Variants in RPS6KA2 observed in about 807,000 individuals in gnomAD.
RPS6KA2 encodes the protein ribosomal protein S6 kinase alpha-2.
In RPS6KA2, 42 loss-of-function variants were observed where a neutral mutation model predicts 91.8. That is an observed-to-expected ratio of 0.46 (90% CI 0.36 to 0.59). The LOEUF (loss-of-function observed/expected upper bound fraction) is 0.59, where lower values mean the gene tolerates loss of function less well. Ranked by LOEUF, RPS6KA2 falls within the 20% of genes least tolerant of loss-of-function variation. The pLI is 0.00. For synonymous variants in RPS6KA2, 414 were observed against 393.6 expected (o/e 1.05, Z -0.61); for missense variants, 798 against 978.5 (o/e 0.82, Z 2.46).
chr6:166,775,347 G>A (rs1778586246), intron 2 of RPS6KA2, among the ~76,000 whole-genome samples: 1 of 149,384 alleles, frequency 6.7e-6, no homozygotes. Context: ...AGTTTCCCTC[G>A]CAAATTTGCA....
At chr6:166,736,148 T>G (rs1251354980) in intron 2 of RPS6KA2, among the ~76,000 whole-genome samples, 2 of 152,254 alleles carry the variant, frequency 1.3e-5, no homozygotes, top group East Asian at 3.9e-4. Flanking sequence ...ATATTATCTG[T>G]TTCAACATCA....
chr6:166,562,897 G>A (rs905711079), intron 1 of RPS6KA2, among the ~76,000 whole-genome samples: 1 of 152,210 alleles, frequency 6.6e-6, no homozygotes, highest in Non-Finnish European at 1.5e-5. Flanking sequence ...TGGGGGTGCA[G>A]GGGGCCTGGG....
intron 16 of RPS6KA2, among the ~76,000 whole-genome samples, chr6:166,430,204 G>C (rs138080651): frequency 6.6e-6 from 1 of 151,758 alleles, no homozygotes; most frequent in Non-Finnish European, 1.5e-5. Context: ...TCCTGACCTC[G>C]TGATCTGCCC....
At chr6:166,628,570 T>A (rs530628817), upstream of RPS6KA2, among the ~76,000 whole-genome samples, 10 of 152,364 alleles carry the variant, frequency 6.6e-5, no homozygotes, top group African/African-American at 2.4e-4. Flanking sequence ...TCATGCTGCA[T>A]CCGGGCTGAG....
intron 2 of RPS6KA2, among the ~76,000 whole-genome samples, chr6:166,685,418 T>C (rs558554976): frequency 6.6e-6 from 1 of 152,324 alleles, no homozygotes; most frequent in African/African-American, 2.4e-5. Flanking sequence ...CTGTTGGCCA[T>C]TTCTATCACT....
Position 166,437,624 on chromosome 6 carries a change from A to G in RPS6KA2, c.1333-5134T>C, listed in dbSNP as rs1057169525. Among the ~76,000 whole-genome samples the G allele has an allele frequency of 6.6e-6, 1 of 152,212 alleles. No homozygotes were observed. Among genetic ancestry groups the G allele is most frequent in the Non-Finnish European group, 1.5e-5 (1 of 68,036 alleles). ...ATGGTGTTGCCACCGAGCAGGCTGA[A>G]TATTTCCACCTTCCTTAGAGATGCT... On this transcript the variant is annotated intron_variant, in intron 14 of 20. Coordinates refer to ENST00000265678, the MANE Select transcript of RPS6KA2 (RefSeq NM_021135.6). This position sits in a 1 kb window ranked among gnomAD's most constrained non-coding sequence, Gnocchi z 4.3.
chr6:166,585,340 G>A (rs1785134832), intron 1 of RPS6KA2, among the ~76,000 whole-genome samples: 1 of 152,096 alleles, frequency 6.6e-6, no homozygotes. Context: ...ATCGAGGATT[G>A]CTGACATGTC....
intron 1 of RPS6KA2, among the ~76,000 whole-genome samples, chr6:166,604,307 G>A (rs1785859438): frequency 6.6e-6 from 1 of 151,678 alleles, no homozygotes; most frequent in Non-Finnish European, 1.5e-5. Flanking sequence ...AATGAGGAAT[G>A]TCTTACTTTT....
rs946494065 is a variant in RPS6KA2 at position 166,849,080 on chromosome 6, C to G, written c.123+9120G>C. Among the ~76,000 whole-genome samples, 1 of 152,148 alleles carries G rather than the reference C, an allele frequency of 6.6e-6. No homozygotes were observed. Among genetic ancestry groups the G allele is most frequent in the South Asian group, 2.1e-4 (1 of 4,830 alleles). Reference sequence around the variant, plus strand: ...TCTCTCCACATGCATCTCAGGCCAGCCTGGGCAGCCCCAGGCCTGCACATG... The same window carrying G: ...TCTCTCCACATGCATCTCAGGCCAGGCTGGGCAGCCCCAGGCCTGCACATG... On this transcript the variant is annotated intron_variant, in intron 2 of 21. Coordinates refer to the RPS6KA2 transcript ENST00000503859. This position sits in a 1 kb window ranked among gnomAD's most constrained non-coding sequence, Gnocchi z 4.9.
At position 166,777,244 on chromosome 6, in the gene RPS6KA2, C is replaced by T. The variant is rs142678879; in HGVS notation, c.123+80956G>A. Among the ~76,000 whole-genome samples the T allele has an allele frequency of 2.7e-3, 414 of 152,304 alleles. 2 individuals are homozygous for T. The highest frequency in any genetic ancestry group is 9.3e-3 in the African/African-American group (385 of 41,560). Reference sequence around the variant, plus strand: ...TCAGGTTAACAATACATGGATTTTACGTCTTCTCTGATAATTAAAAATGCC... The same window carrying T: ...TCAGGTTAACAATACATGGATTTTATGTCTTCTCTGATAATTAAAAATGCC... On this transcript the variant is annotated intron_variant, in intron 2 of 21. Transcript: ENST00000503859.
rs118123528 is a variant in RPS6KA2 at position 166,484,569 on chromosome 6, T to C, written c.907+4264A>G. On this transcript the variant is annotated intron_variant, in intron 10 of 20. Transcript: ENST00000265678. ...CAGCTGGCCTCATCCAGTTCCTTTT[T>C]CTCCTGCAGTGAGGATGTGATTCCA... 7.5e-4 allele frequency among the ~76,000 whole-genome samples: 115 copies of C among 152,318 alleles called. 3 individuals carry two copies. The East Asian group carries it at 0.019, about 26-fold the overall frequency.
intron 2 of RPS6KA2, among the ~76,000 whole-genome samples, chr6:166,809,539 G>A (rs1041149732): frequency 3.9e-5 from 6 of 152,188 alleles, no homozygotes; most frequent in Admixed American, 2.6e-4. Flanking sequence ...ATAGGGTGTG[G>A]ACAGGTGAGT....
At chr6:166,696,710 C>T (rs1789368400) in intron 2 of RPS6KA2, among the ~76,000 whole-genome samples, 1 of 152,278 alleles carries the variant, frequency 6.6e-6, no homozygotes, top group Admixed American at 6.5e-5. Context: ...GATGCCCTCT[C>T]CAATGTGGGT....
chr6:166,774,550 C>T (rs1006929259), intron 2 of RPS6KA2, among the ~76,000 whole-genome samples: 1 of 152,142 alleles, frequency 6.6e-6, no homozygotes, highest in Non-Finnish European at 1.5e-5. Flanking sequence ...ATGCTACGGA[C>T]CATGGTAGGG....
chr6:166,625,334 C>G (rs1213905630), intron 1 of RPS6KA2, among the ~76,000 whole-genome samples: 3 of 47,856 alleles, frequency 6.3e-5, no homozygotes, highest in African/African-American at 1.4e-4. Context: ...CCCCCCCACC[C>G]CCCCCCCCGC....
chr6:166,848,769 A>G (rs894213615), intron 2 of RPS6KA2, among the ~76,000 whole-genome samples: 7 of 151,992 alleles, frequency 4.6e-5, no homozygotes, highest in Admixed American at 1.3e-4. Flanking sequence ...TGGGAGGGGG[A>G]TGAAGGATGA....
intron 2 of RPS6KA2, among the ~76,000 whole-genome samples, chr6:166,755,270 T>C (rs1777974351): frequency 6.6e-6 from 1 of 152,102 alleles, no homozygotes. Flanking sequence ...CTTTCTCTGC[T>C]TTCCGTTTTA....
intron 2 of RPS6KA2, among the ~76,000 whole-genome samples, chr6:166,632,592 C>G (rs531796736): frequency 7.1e-6 from 1 of 141,836 alleles, no homozygotes; most frequent in South Asian, 2.2e-4. Flanking sequence ...GCCTGGGCAA[C>G]AAGAGCGAAA....
In RPS6KA2 at chr6:166,445,606, T is replaced by C. The variant is rs887939654; in HGVS notation, c.1332+3118A>G. Among the ~76,000 whole-genome samples, 5 of 152,170 alleles carry C rather than the reference T, an allele frequency of 3.3e-5. No individual in the cohort carries two copies. Among genetic ancestry groups the C allele is most frequent in the Non-Finnish European group, 1.5e-5 (1 of 68,026 alleles). On this transcript the variant is annotated intron_variant, in intron 14 of 20. Transcript: ENST00000265678. This position sits in a 1 kb window ranked among gnomAD's most constrained non-coding sequence, Gnocchi z 4.5. ...TTACCCCAAATGAATATGACTGCCC[T>C]GGGCAGAATCCATCGATTCTGGTCA... is the stretch of plus-strand genomic sequence containing the variant.
Sources: gnomAD v4.1 joint callset for allele counts (sites outside exome capture counted in the v4.1 genomes callset) on GRCh38, gnomAD v4.1.1 for gene constraint, Gnocchi (gnomAD v3.1) non-coding constraint, MANE v1.5 for transcripts, NCBI Gene and HGNC (gene_info 2026-07-23, HGNC 2026-07-21) for gene names.